The following FRMD3 variants were observed in gnomAD, a reference collection of about 807,000 sequenced individuals.
FRMD3 encodes FERM domain containing 3, also known as FERM domain-containing protein 3.
In FRMD3, 33 loss-of-function variants were observed where a neutral mutation model predicts 70.2. The observed-to-expected ratio is 0.47, with a 90% CI of 0.36 to 0.63. The LOEUF is 0.63. Ranked by LOEUF, FRMD3 falls within the 20% of genes least tolerant of loss-of-function variation. The pLI, the probability that FRMD3 is intolerant of heterozygous loss-of-function variation, is 0.00. For synonymous variants in FRMD3, 279 were observed against 255.9 expected (o/e 1.09, Z -0.86); for missense variants, 632 against 711.4 (o/e 0.89, Z 1.27).
At chr9:83,580,876 T>C in the FRMD3 span, among the ~76,000 whole-genome samples, 1 of 152,128 alleles carries the variant, frequency 6.6e-6, no homozygotes, top group African/African-American at 2.4e-5. Context: ...CATGAATGTA[T>C]ACAGTTATGA....
At chr9:83,448,293 T>A (rs971287470) in intron 1 of FRMD3, among the ~76,000 whole-genome samples, 1 of 152,184 alleles carries the variant, frequency 6.6e-6, no homozygotes, top group African/African-American at 2.4e-5. Context: ...CGCTCCCTAT[T>A]GTCTCACTCC....
intron 3 of FRMD3, among the ~76,000 whole-genome samples, chr9:83,366,829 A>C (rs747138605): frequency 2.8e-4 from 42 of 152,180 alleles, no homozygotes; most frequent in Non-Finnish European, 6.0e-4. Context: ...CACTTCATGT[A>C]TACACATTGG....
intron 3 of FRMD3, among the ~76,000 whole-genome samples, chr9:83,372,387 G>A (rs73648538): frequency 9.9e-4 from 110 of 111,008 alleles, no homozygotes; most frequent in East Asian, 1.8e-3. Flanking sequence ...AAAAAAAAAA[G>A]AAGTTCAGAA....
intron 10 of FRMD3, among the ~76,000 whole-genome samples, chr9:83,307,970 C>T (rs974439357): frequency 5.9e-5 from 9 of 152,324 alleles, no homozygotes; most frequent in Middle Eastern, 3.4e-3. Flanking sequence ...CAACTGGTCT[C>T]CTTCCTTATC....
chr9:83,341,492 G>A (rs1300831028), intron 5 of FRMD3, among the ~76,000 whole-genome samples: 1 of 151,950 alleles, frequency 6.6e-6, no homozygotes, highest in Non-Finnish European at 1.5e-5. Context: ...ATGCTGGTCT[G>A]TTGCTTGGAT....
chr9:83,435,575 T>C (rs1002093734), intron 1 of FRMD3, among the ~76,000 whole-genome samples: 14 of 152,144 alleles, frequency 9.2e-5, no homozygotes, highest in African/African-American at 3.4e-4. Flanking sequence ...GGCTGTCTTT[T>C]AGCCAGTTAC....
chr9:83,412,957 T>C (rs1050516491), intron 1 of FRMD3, among the ~76,000 whole-genome samples: 1 of 151,728 alleles, frequency 6.6e-6, no homozygotes, highest in Non-Finnish European at 1.5e-5. Context: ...ATCATGCCAC[T>C]GCATTTAGCC....
chr9:83,356,271 A>ATTTTTTT (rs869149609), intron 3 of FRMD3, among the ~76,000 whole-genome samples: 6 of 94,460 alleles, frequency 6.4e-5, no homozygotes, highest in African/African-American at 9.3e-5. Flanking sequence ...ACTCAGCAGC[A>ATTTTTTT]TTTTTTTTTT....
the FRMD3 span, among the ~76,000 whole-genome samples, chr9:83,554,736 C>G: frequency 6.6e-6 from 1 of 152,174 alleles, no homozygotes; most frequent in African/African-American, 2.4e-5. Flanking sequence ...GAGGCTGTGT[C>G]CAAGGAGTTG....
At chr9:83,244,584 C>T (rs1815612601), downstream of FRMD3, 6 of 757,318 alleles carry the variant, frequency 7.9e-6, no homozygotes, top group South Asian at 3.6e-4. Context: ...CCTGACTATA[C>T]AACTTTACTT....
At chr9:83,435,346 G>A (rs1339894243) in intron 1 of FRMD3, among the ~76,000 whole-genome samples, 1 of 152,046 alleles carries the variant, frequency 6.6e-6, no homozygotes, top group Non-Finnish European at 1.5e-5. Flanking sequence ...CATGAAATCA[G>A]GTATCCTGCT....
At chr9:83,388,875 C>A (rs935626063) in intron 2 of FRMD3, among the ~76,000 whole-genome samples, 4 of 151,440 alleles carry the variant, frequency 2.6e-5, no homozygotes, top group Admixed American at 2.6e-4. Context: ...CAAACATGTT[C>A]ATCCCTCGAA....
At chr9:83,465,520 A>G (rs749162227) in intron 1 of FRMD3, among the ~76,000 whole-genome samples, 9 of 152,318 alleles carry the variant, frequency 5.9e-5, no homozygotes, top group Non-Finnish European at 1.2e-4. Flanking sequence ...ATCCTTCTCC[A>G]AAGTACAGAA....
intron 1 of FRMD3, among the ~76,000 whole-genome samples, chr9:83,399,073 G>T (rs77675305): frequency 6.6e-6 from 1 of 152,178 alleles, no homozygotes; most frequent in Admixed American, 6.5e-5. Flanking sequence ...ACAGCAAGAG[G>T]CTTAATAGTA....
rs1306100850 is a variant in FRMD3, at chr9:83,468,763, T to G, written c.147+69322A>C. Reference sequence around the variant, plus strand: ...TAACAGAAAGGAAGAATACAGCAATTTATCACCATAGACCTTTGCTCAGCT... The same window carrying G: ...TAACAGAAAGGAAGAATACAGCAATGTATCACCATAGACCTTTGCTCAGCT... On this transcript the variant is annotated intron_variant, in intron 1 of 13. Transcript: ENST00000304195. Among the ~76,000 whole-genome samples, 4 of 152,162 alleles carry G rather than the reference T, an allele frequency of 2.6e-5. No individual in the cohort carries two copies. The East Asian group carries it at 7.7e-4, about 29-fold the overall frequency.
At chr9:83,288,013 T>C (rs1036519192) in intron 13 of FRMD3, among the ~76,000 whole-genome samples, 5 of 152,182 alleles carry the variant, frequency 3.3e-5, no homozygotes, top group African/African-American at 4.8e-5. Flanking sequence ...AATGAATGAA[T>C]TCCCAGCCTC....
At chr9:83,391,442 T>G (rs978494346) in intron 1 of FRMD3, among the ~76,000 whole-genome samples, 2 of 152,178 alleles carry the variant, frequency 1.3e-5, no homozygotes, top group African/African-American at 4.8e-5. Context: ...ATTTTATGAT[T>G]GAATGGCAAA....
intron 3 of FRMD3, among the ~76,000 whole-genome samples, chr9:83,368,685 AAAG>A (rs1404361983): frequency 6.6e-6 from 1 of 152,184 alleles, no homozygotes; most frequent in East Asian, 1.9e-4. Flanking sequence ...AGTTTTGGGG[AAAG>A]AAGCATTCTC....
chr9:83,524,940 C>CA (rs1442002852), intron 1 of FRMD3, among the ~76,000 whole-genome samples: 2 of 152,014 alleles, frequency 1.3e-5, no homozygotes, highest in Admixed American at 1.3e-4. Flanking sequence ...ATCGACCGGC[C>CA]AAAAAATAAC....
Sources: allele counts gnomAD v4.1 joint callset (sites outside exome capture counted in the v4.1 genomes callset), GRCh38; gene constraint gnomAD v4.1.1; transcripts MANE v1.5; gene names NCBI Gene and HGNC (gene_info 2026-07-23, HGNC 2026-07-21).